MMP16: variants seen among roughly 807,000 people sequenced by gnomAD.
The protein encoded by MMP16 is matrix metallopeptidase 16.
A neutral mutation model predicts 67.8 loss-of-function variants in MMP16; 12 were observed. The observed-to-expected ratio is 0.18, with a 90% CI of 0.11 to 0.29. The LOEUF (loss-of-function observed/expected upper bound fraction) is 0.29, where lower values mean the gene tolerates loss of function less well. Among genes scored for constraint, MMP16 ranks in the 10% least tolerant of loss-of-function variants. The pLI is 1.00. For synonymous variants in MMP16, 249 were observed against 255.9 expected (o/e 0.97, Z 0.26); for missense variants, 475 against 765.7 (o/e 0.62, Z 4.48).
At chr8:88,170,485 A>G (rs1281415781) in intron 3 of MMP16, among the ~76,000 whole-genome samples, 3 of 152,116 alleles carry the variant, frequency 2.0e-5, no homozygotes, top group Non-Finnish European at 2.9e-5. Context: ...TATGCACCCT[A>G]TGGGATTTCA....
At chr8:88,153,249 A>G (rs1484869044) in intron 4 of MMP16, among the ~76,000 whole-genome samples, 1 of 152,090 alleles carries the variant, frequency 6.6e-6, no homozygotes, top group African/African-American at 2.4e-5. Flanking sequence ...TTCCATGCTC[A>G]TGGGTAGGAA....
intron 3 of MMP16, among the ~76,000 whole-genome samples, chr8:88,175,525 C>T (rs922536524): frequency 2.0e-5 from 3 of 152,198 alleles, no homozygotes; most frequent in Non-Finnish European, 4.4e-5. Context: ...ATTTCTAACT[C>T]TCCATAGTCT....
rs1276415745 is a variant in MMP16, at chr8:88,046,746, G to A, written c.1412C>T (p.Pro471Leu). The A allele has an allele frequency of 6.2e-7, 1 of 1,610,400 alleles. No individual in the cohort carries two copies. Among genetic ancestry groups the A allele is most frequent in the African/African-American group, 1.3e-5 (1 of 74,746 alleles). Residue 471 changes from proline (P) to leucine (L), a missense_variant, in exon 9 of 10, where the codon CCT (proline) becomes CTT (leucine). Pro to Leu is a moderately conservative substitution (Grantham distance 98). Coordinates refer to ENST00000286614, the MANE Select transcript of MMP16 (RefSeq NM_005941.5). Reference protein sequence around the residue: ...RYSEEMKTMDPGYPKPITVWK... With the variant: ...RYSEEMKTMDLGYPKPITVWK... ...GACTGTGATTGGCTTGGGATAGCCA[G>A]GGTCCATTGTTTTCATTTCTTCACT...
chr8:88,291,287 A>C (rs1164537259), intron 1 of MMP16, among the ~76,000 whole-genome samples: 1 of 152,166 alleles, frequency 6.6e-6, no homozygotes, highest in South Asian at 2.1e-4. Context: ...TCTCTAAAAA[A>C]ATAAGTAAAG....
intron 4 of MMP16, among the ~76,000 whole-genome samples, chr8:88,165,195 A>G (rs866813725): frequency 2.0e-5 from 3 of 150,814 alleles, no homozygotes; most frequent in Non-Finnish European, 3.0e-5. Context: ...AAAAAAAAAA[A>G]AAAAGAAAGA....
At chr8:88,300,432 C>CA (rs1811079511) in intron 1 of MMP16, among the ~76,000 whole-genome samples, 1 of 152,170 alleles carries the variant, frequency 6.6e-6, no homozygotes, top group African/African-American at 2.4e-5. Context: ...CCCACTCCAT[C>CA]AGCCCTGGAC....
chr8:88,313,109 T>A (rs1811322380), intron 1 of MMP16, among the ~76,000 whole-genome samples: 1 of 152,252 alleles, frequency 6.6e-6, no homozygotes, highest in African/African-American at 2.4e-5. Context: ...TATTTTACAA[T>A]GTATCAATAG....
chr8:88,268,396 A>G (rs1426774218), intron 1 of MMP16, among the ~76,000 whole-genome samples: 4 of 152,180 alleles, frequency 2.6e-5, no homozygotes, highest in Non-Finnish European at 5.9e-5. Flanking sequence ...AAATTCATTC[A>G]TTCGTCTATT....
intron 3 of MMP16, among the ~76,000 whole-genome samples, chr8:88,171,974 C>A (rs1808811521): frequency 6.6e-6 from 1 of 151,968 alleles, no homozygotes; most frequent in African/African-American, 2.4e-5. Flanking sequence ...TTACAGGCAC[C>A]CACCAGTACA....
intron 1 of MMP16, among the ~76,000 whole-genome samples, chr8:88,243,896 T>C (rs1810070574): frequency 6.6e-6 from 1 of 152,172 alleles, no homozygotes; most frequent in Non-Finnish European, 1.5e-5. Flanking sequence ...AATTTTAGTC[T>C]TACAGCCATT....
chr8:88,075,174 C>T (rs1376809543), intron 6 of MMP16, among the ~76,000 whole-genome samples: 1 of 152,138 alleles, frequency 6.6e-6, no homozygotes, highest in Admixed American at 6.6e-5. Flanking sequence ...CCACACCTGT[C>T]TGTACGCCCC....
intron 4 of MMP16, among the ~76,000 whole-genome samples, chr8:88,141,228 A>G (rs1187564465): frequency 1.3e-5 from 2 of 152,246 alleles, no homozygotes; most frequent in Non-Finnish European, 1.5e-5. Context: ...TGTCTTACAA[A>G]TTAATGAAAA....
chr8:88,152,073 A>ATGTACTGATG (rs1408152384), intron 4 of MMP16, among the ~76,000 whole-genome samples: 14 of 35,876 alleles, frequency 3.9e-4, no homozygotes, highest in Non-Finnish European at 5.1e-5. Context: ...CCATCAGAGA[A>ATGTACTGATG]TACTACAAAC....
intron 1 of MMP16, among the ~76,000 whole-genome samples, chr8:88,249,678 G>A (rs1810175193): frequency 6.6e-6 from 1 of 151,864 alleles, no homozygotes; most frequent in Non-Finnish European, 1.5e-5. Flanking sequence ...TTCCTTTCCT[G>A]AGCAAACACC....
intron 1 of MMP16, among the ~76,000 whole-genome samples, chr8:88,216,532 TCAAAATCATTAGTTGCCTGTCGATGC>T (rs772665325): frequency 3.5e-4 from 53 of 152,264 alleles, no homozygotes; most frequent in Admixed American, 8.5e-4. Flanking sequence ...AGAGTCCATT[TCAAAATCATTAGTTGCCTGTCGATGC>T]CATGCTAGTT....
chr8:88,065,060 C>T (rs147034818), intron 7 of MMP16, among the ~76,000 whole-genome samples: 75 of 152,240 alleles, frequency 4.9e-4, no homozygotes, highest in African/African-American at 1.5e-3. Context: ...GCCATTTTTG[C>T]TCTGCATGTG....
At chr8:88,201,220 G>GA (rs1809340051) in intron 1 of MMP16, among the ~76,000 whole-genome samples, 2 of 150,364 alleles carry the variant, frequency 1.3e-5, no homozygotes, top group Non-Finnish European at 3.0e-5. Context: ...GGCTAGAAGA[G>GA]ATACATTTTA....
At chr8:88,295,432 T>C (rs1271086840) in intron 1 of MMP16, among the ~76,000 whole-genome samples, 1 of 152,076 alleles carries the variant, frequency 6.6e-6, no homozygotes, top group African/African-American at 2.4e-5. Context: ...ATCTAAAAAG[T>C]TGAAGATAAT....
At chr8:88,250,932 C>T (rs1810207500) in intron 1 of MMP16, among the ~76,000 whole-genome samples, 1 of 147,546 alleles carries the variant, frequency 6.8e-6, no homozygotes, top group Non-Finnish European at 1.5e-5. Flanking sequence ...CCCCCCTCCC[C>T]CTACCCCACA....
Sources: allele counts gnomAD v4.1 joint callset (sites outside exome capture counted in the v4.1 genomes callset), GRCh38; gene constraint gnomAD v4.1.1; transcripts MANE v1.5; gene names NCBI Gene and HGNC (gene_info 2026-07-23, HGNC 2026-07-21).